STXBP5L: variants seen among roughly 807,000 people sequenced by gnomAD.
STXBP5L encodes the protein syntaxin-binding protein 5-like.
A neutral mutation model predicts 144.5 loss-of-function variants in STXBP5L; 65 were observed. That is an observed-to-expected ratio of 0.45 (90% CI 0.37 to 0.55). STXBP5L has a LOEUF of 0.55. STXBP5L is among the 20% of genes least tolerant of loss of function. The pLI, the probability that STXBP5L is intolerant of heterozygous loss-of-function variation, is 0.00. For synonymous variants in STXBP5L, 505 were observed against 469.6 expected (o/e 1.08, Z -0.97); for missense variants, 1,298 against 1,405.5 (o/e 0.92, Z 1.22).
chr3:121,259,649 C>A (rs961788590), intron 18 of STXBP5L, among the ~76,000 whole-genome samples: 1 of 151,974 alleles, frequency 6.6e-6, no homozygotes, highest in Admixed American at 6.6e-5. Context: ...TTCTTTATTT[C>A]TTTGAACATA....
At chr3:120,965,361 C>T (rs1939434462) in intron 3 of STXBP5L, among the ~76,000 whole-genome samples, 1 of 152,170 alleles carries the variant, frequency 6.6e-6, no homozygotes, top group Non-Finnish European at 1.5e-5. Context: ...GATGCAGTTT[C>T]TTCATAGCAT....
chr3:120,971,952 C>T (rs555537193), intron 3 of STXBP5L, among the ~76,000 whole-genome samples: 1 of 152,058 alleles, frequency 6.6e-6, no homozygotes, highest in Admixed American at 6.6e-5. Flanking sequence ...AGATTGATTC[C>T]ATGACTTTGC....
chr3:121,368,760 G>A (rs564209787), intron 20 of STXBP5L, among the ~76,000 whole-genome samples: 89 of 151,968 alleles, frequency 5.9e-4, no homozygotes, highest in African/African-American at 2.0e-3. Context: ...CTTTTCTCTG[G>A]ATATGTGTGG....
intron 20 of STXBP5L, among the ~76,000 whole-genome samples, chr3:121,361,436 T>G (rs1368045558): frequency 6.6e-6 from 1 of 152,174 alleles, no homozygotes; most frequent in African/African-American, 2.4e-5. Flanking sequence ...TTTGCCCTTT[T>G]GAGGCTATTT....
At chr3:121,196,563 A>T (rs1224117494) in intron 9 of STXBP5L, among the ~76,000 whole-genome samples, 1 of 151,644 alleles carries the variant, frequency 6.6e-6, no homozygotes, top group African/African-American at 2.4e-5. Flanking sequence ...TTGTGCTATA[A>T]TCTTTATTTC....
chr3:121,083,069 G>A (rs181437331), intron 5 of STXBP5L, among the ~76,000 whole-genome samples: 3 of 151,980 alleles, frequency 2.0e-5, no homozygotes, highest in Admixed American at 6.6e-5. Flanking sequence ...GTGTGGTGGC[G>A]TGCTCTGTAG....
chr3:121,006,738 C>A (rs566831278), intron 3 of STXBP5L, among the ~76,000 whole-genome samples: 3 of 152,102 alleles, frequency 2.0e-5, no homozygotes, highest in African/African-American at 4.8e-5. Flanking sequence ...TCTTTTAGGG[C>A]AGGCCTGGTG....
chr3:121,062,145 T>C (rs1295337786), intron 5 of STXBP5L, among the ~76,000 whole-genome samples: 1 of 152,188 alleles, frequency 6.6e-6, no homozygotes, highest in Non-Finnish European at 1.5e-5. Flanking sequence ...CAGGAGCTCT[T>C]GAAAGGCAAA....
At chr3:120,995,784 C>G (rs1339775362) in intron 3 of STXBP5L, among the ~76,000 whole-genome samples, 1 of 152,056 alleles carries the variant, frequency 6.6e-6, no homozygotes, top group African/African-American at 2.4e-5. Flanking sequence ...TCAAATATGA[C>G]TTACGAAACT....
chr3:121,165,829 G>A (rs1187795239), intron 9 of STXBP5L, among the ~76,000 whole-genome samples: 1 of 152,046 alleles, frequency 6.6e-6, no homozygotes, highest in Admixed American at 6.6e-5. Context: ...TGGGCAGGCC[G>A]GTTGGAGATT....
chr3:121,007,401 A>T lies in STXBP5L; in HGVS notation c.288-34299A>T, dbSNP rs527685818. ...TAATAAAATTCTGGCCTCAAATTTAATTGAGAATTATTTGCATCTATTCTA... is the reference window on the plus strand; with the variant it reads ...TAATAAAATTCTGGCCTCAAATTTATTTGAGAATTATTTGCATCTATTCTA... On this transcript the variant is annotated intron_variant, in intron 3 of 26. Coordinates refer to ENST00000471454, the MANE Select transcript of STXBP5L (RefSeq NM_001308330.2). Among the ~76,000 whole-genome samples, 423 of 152,102 alleles carry T rather than the reference A, an allele frequency of 2.8e-3. 5 individuals carry two copies. The highest frequency in any genetic ancestry group is 9.8e-3 in the African/African-American group (406 of 41,538).
chr3:121,208,286 G>C (rs1387059382), intron 10 of STXBP5L, among the ~76,000 whole-genome samples: 1 of 137,366 alleles, frequency 7.3e-6, no homozygotes, highest in East Asian at 2.4e-4. Flanking sequence ...TGAACAATGA[G>C]AACACTTGGA....
intron 19 of STXBP5L, among the ~76,000 whole-genome samples, chr3:121,284,752 C>T (rs1290719060): frequency 6.6e-6 from 1 of 152,054 alleles, no homozygotes. Flanking sequence ...TAGTTTCTAA[C>T]TAGAGACCTA....
At chr3:121,172,439 G>C (rs982528233) in intron 9 of STXBP5L, among the ~76,000 whole-genome samples, 2 of 152,154 alleles carry the variant, frequency 1.3e-5, no homozygotes, top group African/African-American at 4.8e-5. Flanking sequence ...CTATCCATCT[G>C]ACAAAGGGCT....
intron 20 of STXBP5L, among the ~76,000 whole-genome samples, chr3:121,330,330 C>A (rs907958496): frequency 2.6e-5 from 4 of 152,220 alleles, no homozygotes; most frequent in Non-Finnish European, 5.9e-5. Flanking sequence ...TTCTGGGAAG[C>A]AGAGGCAGCT....
At chr3:121,026,909 A>T (rs1477743407) in intron 3 of STXBP5L, among the ~76,000 whole-genome samples, 1 of 151,872 alleles carries the variant, frequency 6.6e-6, no homozygotes, top group East Asian at 1.9e-4. Context: ...TATTCCAAGC[A>T]GCCCTCACTT....
At chr3:120,943,739 G>T (rs952326544) in intron 2 of STXBP5L, among the ~76,000 whole-genome samples, 1 of 151,172 alleles carries the variant, frequency 6.6e-6, no homozygotes, top group African/African-American at 2.4e-5. Flanking sequence ...CCCTTTTGTG[G>T]CTATTTCATC....
intron 10 of STXBP5L, among the ~76,000 whole-genome samples, chr3:121,207,948 A>G (rs943612902): frequency 1.2e-4 from 19 of 152,218 alleles, no homozygotes; most frequent in African/African-American, 3.1e-4. Flanking sequence ...ATCTAGTACT[A>G]GAAATACCAT....
At chr3:121,038,897 T>TA (rs1254372391) in intron 3 of STXBP5L, among the ~76,000 whole-genome samples, 1 of 151,980 alleles carries the variant, frequency 6.6e-6, no homozygotes, top group East Asian at 1.9e-4. Context: ...TGTATATTAA[T>TA]ATATCTTTCC....
Sources: allele counts gnomAD v4.1 joint callset (sites outside exome capture counted in the v4.1 genomes callset), GRCh38; gene constraint gnomAD v4.1.1; transcripts MANE v1.5; gene names NCBI Gene and HGNC (gene_info 2026-07-23, HGNC 2026-07-21).